Variants in NUTF2 observed in about 807,000 individuals in gnomAD.
The protein encoded by NUTF2 is placental protein 15.
Under a neutral mutation model 18.5 loss-of-function variants are expected in NUTF2, and 3 were observed. That is an observed-to-expected ratio of 0.16 (90% confidence interval 0.07 to 0.42). The LOEUF (loss-of-function observed/expected upper bound fraction) is 0.42, where lower values mean the gene tolerates loss of function less well. Ranked by LOEUF, NUTF2 falls within the 10% of genes least tolerant of loss-of-function variation. NUTF2 has a pLI of 0.99. For synonymous variants in NUTF2, 51 were observed against 57.9 expected, an observed-to-expected ratio of 0.88 and a Z score of 0.54; for missense variants, 44 against 160.7, an observed-to-expected ratio of 0.27 and a Z score of 3.93.
intron 1 of NUTF2, among the ~76,000 whole-genome samples, chr16:67,861,669 T>C (rs2057936131): frequency 6.6e-6 from 1 of 152,112 alleles, no homozygotes; most frequent in South Asian, 2.1e-4. Context: ...AAGCAGGAGA[T>C]GGTGTGGTCA....
chr16:67,850,441 C>G (rs1173289468), intron 1 of NUTF2, among the ~76,000 whole-genome samples: 1 of 151,654 alleles, frequency 6.6e-6, no homozygotes, highest in Non-Finnish European at 1.5e-5. Flanking sequence ...CTCCTGACCT[C>G]GTGATCCACC....
At chr16:67,859,349 A>ATTT (rs35560481) in intron 1 of NUTF2, among the ~76,000 whole-genome samples, 3 of 131,904 alleles carry the variant, frequency 2.3e-5, no homozygotes, top group Admixed American at 7.8e-5. Context: ...CCAGCTGATG[A>ATTT]TTTTTTTTTT....
intron 1 of NUTF2, among the ~76,000 whole-genome samples, chr16:67,848,005 C>T (rs892356360): frequency 1.3e-5 from 2 of 152,162 alleles, no homozygotes; most frequent in Non-Finnish European, 1.5e-5. Context: ...GTCTGGCTTC[C>T]CCTCACTTGC....
chr16:67,864,533 A>G (rs1228753521), intron 1 of NUTF2, among the ~76,000 whole-genome samples: 1 of 148,652 alleles, frequency 6.7e-6, no homozygotes, highest in African/African-American at 2.5e-5. Context: ...AAAAAAAAAA[A>G]GAAGAGGGGC....
chr16:67,852,358 T>C (rs908359570), intron 1 of NUTF2, among the ~76,000 whole-genome samples: 1 of 151,686 alleles, frequency 6.6e-6, no homozygotes, highest in East Asian at 1.9e-4. Flanking sequence ...TTTCTTTTTT[T>C]TTTTTTTTCA....
intron 1 of NUTF2, among the ~76,000 whole-genome samples, chr16:67,849,277 G>A (rs888577509): frequency 1.3e-5 from 2 of 152,222 alleles, no homozygotes; most frequent in African/African-American, 4.8e-5. Flanking sequence ...CAGATTTCAG[G>A]TGAGCTGGCT....
chr16:67,854,398 A>G (rs2057880947), intron 1 of NUTF2, among the ~76,000 whole-genome samples: 1 of 152,198 alleles, frequency 6.6e-6, no homozygotes, highest in Non-Finnish European at 1.5e-5. Context: ...CCAGACAGGA[A>G]TTCTCCACAG....
chr16:67,852,242 C>T (rs1031863773), intron 1 of NUTF2, among the ~76,000 whole-genome samples: 10 of 151,932 alleles, frequency 6.6e-5, no homozygotes, highest in Admixed American at 2.6e-4. Context: ...GTCAAGGAAC[C>T]GTGAGCTATG....
chr16:67,859,348 GA>G (rs1012013265), intron 1 of NUTF2, among the ~76,000 whole-genome samples: 1 of 60,118 alleles, frequency 1.7e-5, no homozygotes, highest in African/African-American at 4.4e-5. Context: ...CCCAGCTGAT[GA>G]TTTTTTTTTT....
At chr16:67,863,938 T>TG (rs1485430123) in intron 1 of NUTF2, among the ~76,000 whole-genome samples, 1 of 152,174 alleles carries the variant, frequency 6.6e-6, no homozygotes, top group Non-Finnish European at 1.5e-5. Flanking sequence ...GGGCCTCCTC[T>TG]CAGAGACCCG....
chr16:67,870,726 C>G, intron 4 of NUTF2, 74 bp from the exon 5 acceptor site: 7 of 1,194,314 alleles, frequency 5.9e-6, no homozygotes, highest in Non-Finnish European at 8.7e-6. Context: ...CATTTTTTTG[C>G]CCTCTTCTCC....
At chr16:67,851,157 G>A (rs2057854042) in intron 1 of NUTF2, among the ~76,000 whole-genome samples, 1 of 151,956 alleles carries the variant, frequency 6.6e-6, no homozygotes, top group South Asian at 2.1e-4. Flanking sequence ...CTTTGGAGTT[G>A]GTGGTTTGGG....
chr16:67,848,331 C>T (rs2057823861), intron 1 of NUTF2, among the ~76,000 whole-genome samples: 1 of 152,158 alleles, frequency 6.6e-6, no homozygotes, highest in African/African-American at 2.4e-5. Context: ...GCCTGCAATC[C>T]CAGCACTTTG....
chr16:67,869,840 A>G (rs1017761256), intron 4 of NUTF2: 2 of 152,222 alleles, frequency 1.3e-5, no homozygotes, highest in Middle Eastern at 3.2e-3. Context: ...CTTCCCAAAA[A>G]TAGCAGGACA....
intron 1 of NUTF2, among the ~76,000 whole-genome samples, chr16:67,861,418 T>C (rs1232794333): frequency 1.3e-5 from 2 of 152,234 alleles, no homozygotes; most frequent in Admixed American, 6.5e-5. Context: ...ATCTCCTGGG[T>C]CAGAGGTTTT....
intron 4 of NUTF2, chr16:67,868,815 G>T: frequency 2.2e-6 from 1 of 447,772 alleles, no homozygotes; most frequent in East Asian, 4.2e-5. Context: ...TTCTTCGGTT[G>T]TACTAGCCAT....
chr16:67,865,032 TG>T (rs1481306807), intron 1 of NUTF2, 69 bp from the exon 2 acceptor site: 2 of 715,358 alleles, frequency 2.8e-6, no homozygotes, highest in African/African-American at 1.8e-5. Flanking sequence ...CAGTGAGGGG[TG>T]GGGGTCAGTG....
intron 1 of NUTF2, among the ~76,000 whole-genome samples, chr16:67,851,662 C>T (rs1370306085): frequency 6.6e-6 from 1 of 152,062 alleles, no homozygotes; most frequent in Non-Finnish European, 1.5e-5. Context: ...CCCCGCTACC[C>T]CCGCCCCAGG....
chr16:67,847,814 T>C (rs371472325), intron 1 of NUTF2: 2 of 152,376 alleles, frequency 1.3e-5, no homozygotes, highest in East Asian at 3.9e-4. Context: ...TTCATAAGAA[T>C]GGGATGTTAA....
Sources: gnomAD v4.1 joint callset for allele counts (sites outside exome capture counted in the v4.1 genomes callset) on GRCh38, gnomAD v4.1.1 for gene constraint, MANE v1.5 for transcripts, NCBI Gene and HGNC (gene_info 2026-07-23, HGNC 2026-07-21) for gene names.